SAMD4A: variants seen among roughly 807,000 people sequenced by gnomAD.
The protein encoded by SAMD4A is sterile alpha motif domain containing 4A.
In SAMD4A, 33 loss-of-function variants were observed where a neutral mutation model predicts 81.3. The observed-to-expected ratio is 0.41, with a 90% CI of 0.31 to 0.54. The LOEUF (loss-of-function observed/expected upper bound fraction) is 0.54, where lower values mean the gene tolerates loss of function less well. SAMD4A is among the 20% of genes least tolerant of loss of function. The probability of loss-of-function intolerance (pLI) is 0.37; values close to 1 mark genes in which losing one functional copy is unlikely to be tolerated. For missense variants in SAMD4A, 854 were observed against 951.1 expected (o/e 0.90, Z 1.34); for synonymous variants, 389 against 382.1 (o/e 1.02, Z -0.21).
At chr14:54,592,858 T>C (rs369479874) in intron 2 of SAMD4A, among the ~76,000 whole-genome samples, 23 of 152,318 alleles carry the variant, frequency 1.5e-4, no homozygotes, top group African/African-American at 5.5e-4. Flanking sequence ...TTTAGAACAT[T>C]TCCTTCTAGG....
chr14:54,756,190 C>T (rs185675428), intron 6 of SAMD4A, among the ~76,000 whole-genome samples: 6 of 152,280 alleles, frequency 3.9e-5, no homozygotes, highest in South Asian at 2.1e-4. Context: ...TCACCCCTAT[C>T]GGTGGATTTG....
At chr14:54,722,192 A>G (rs1418357722) in intron 3 of SAMD4A, among the ~76,000 whole-genome samples, 1 of 152,132 alleles carries the variant, frequency 6.6e-6, no homozygotes, top group East Asian at 1.9e-4. Context: ...AGTCCCTCTG[A>G]CCAGTTAGGC....
At chr14:54,625,649 A>G (rs183924354) in intron 2 of SAMD4A, among the ~76,000 whole-genome samples, 132 of 152,346 alleles carry the variant, frequency 8.7e-4, no homozygotes, top group African/African-American at 3.0e-3. Flanking sequence ...TCTCAGAGAA[A>G]GGGCCACATA....
intron 2 of SAMD4A, among the ~76,000 whole-genome samples, chr14:54,651,910 A>C (rs1269798160): frequency 6.6e-6 from 1 of 152,208 alleles, no homozygotes; most frequent in Admixed American, 6.5e-5. Flanking sequence ...CTACTTTGGT[A>C]ATTGTAAACC....
At chr14:54,604,914 C>G (rs1234211994) in intron 2 of SAMD4A, among the ~76,000 whole-genome samples, 1 of 152,276 alleles carries the variant, frequency 6.6e-6, no homozygotes, top group Middle Eastern at 3.4e-3. Context: ...ACTGCTTTAA[C>G]TTATTGGATT....
At chr14:54,658,241 G>A (rs2035568257) in intron 2 of SAMD4A, among the ~76,000 whole-genome samples, 1 of 152,182 alleles carries the variant, frequency 6.6e-6, no homozygotes, top group South Asian at 2.1e-4. Flanking sequence ...AACCCAGGAG[G>A]TGGAGGTTGC....
At chr14:54,606,029 G>T (rs2034189299) in intron 2 of SAMD4A, among the ~76,000 whole-genome samples, 1 of 152,124 alleles carries the variant, frequency 6.6e-6, no homozygotes, top group Non-Finnish European at 1.5e-5. Flanking sequence ...TGTTTATTAG[G>T]TGCCCATTTT....
intron 2 of SAMD4A, among the ~76,000 whole-genome samples, chr14:54,656,090 A>C (rs1246695899): frequency 6.6e-6 from 1 of 152,198 alleles, no homozygotes; most frequent in Non-Finnish European, 1.5e-5. Flanking sequence ...TTACCAAGGA[A>C]GCTAGTTTTG....
intron 2 of SAMD4A, among the ~76,000 whole-genome samples, chr14:54,606,218 C>T (rs923683080): frequency 6.4e-3 from 553 of 86,124 alleles, no homozygotes; most frequent in Admixed American, 9.5e-3. Context: ...TGTGTGCGTG[C>T]ACGTGCACGT....
intron 12 of SAMD4A, among the ~76,000 whole-genome samples, chr14:54,788,164 C>T (rs1274850412): frequency 6.6e-6 from 1 of 152,188 alleles, no homozygotes. Context: ...ATCAGATTCT[C>T]GAGACAGAGA....
chr14:54,764,607 T>C, intron 8 of SAMD4A, 67 bp downstream of exon 8: 1 of 1,047,676 alleles, frequency 9.5e-7, no homozygotes, highest in Non-Finnish European at 1.4e-6. Context: ...TCAGAGTTTC[T>C]GTGATGTGAT....
chr14:54,639,715 T>TG (rs1420474045), intron 2 of SAMD4A, among the ~76,000 whole-genome samples: 14 of 152,134 alleles, frequency 9.2e-5, no homozygotes, highest in Non-Finnish European at 1.9e-4. Context: ...CATAGCACTG[T>TG]ACTGTCATTT....
At chr14:54,613,842 G>A (rs569437601) in intron 2 of SAMD4A, among the ~76,000 whole-genome samples, 18 of 152,308 alleles carry the variant, frequency 1.2e-4, no homozygotes, top group African/African-American at 2.9e-4. Context: ...GGTCAAACCC[G>A]TTTTCACAAT....
At chr14:54,775,496 T>A (rs1298513559) in intron 10 of SAMD4A, among the ~76,000 whole-genome samples, 1 of 152,190 alleles carries the variant, frequency 6.6e-6, no homozygotes, top group African/African-American at 2.4e-5. Flanking sequence ...TTTTTATCCA[T>A]GGCAAAAAGC....
chr14:54,737,403 TTA>T, intron 4 of SAMD4A, 116 bp downstream of exon 4: 5 of 1,237,188 alleles, frequency 4.0e-6, no homozygotes, highest in Non-Finnish European at 5.6e-6. Context: ...TTCCCCAGGC[TTA>T]CGCATTTGAT....
intron 2 of SAMD4A, among the ~76,000 whole-genome samples, chr14:54,656,010 T>C (rs1289753160): frequency 6.6e-6 from 1 of 152,204 alleles, no homozygotes; most frequent in Non-Finnish European, 1.5e-5. Context: ...GTGTTTGGCA[T>C]ATAATAAATG....
At chr14:54,669,245 C>G (rs2035821179) in intron 2 of SAMD4A, among the ~76,000 whole-genome samples, 1 of 152,062 alleles carries the variant, frequency 6.6e-6, no homozygotes, top group Admixed American at 6.5e-5. Flanking sequence ...TTCACATGCC[C>G]CAGCCTGGAG....
intron 2 of SAMD4A, among the ~76,000 whole-genome samples, chr14:54,593,542 A>G (rs548201405): frequency 6.6e-6 from 1 of 152,358 alleles, no homozygotes; most frequent in Non-Finnish European, 1.5e-5. Flanking sequence ...AAATACAAGA[A>G]GGAAAGAGGA....
chr14:54,785,692 C>T (rs184899255), intron 12 of SAMD4A, among the ~76,000 whole-genome samples: 1 of 152,340 alleles, frequency 6.6e-6, no homozygotes, highest in East Asian at 1.9e-4. Flanking sequence ...AGAGCCTTGT[C>T]CTCCAGACCT....
Sources: gnomAD v4.1 joint callset for allele counts (sites outside exome capture counted in the v4.1 genomes callset) on GRCh38, gnomAD v4.1.1 for gene constraint, MANE v1.5 for transcripts, NCBI Gene and HGNC (gene_info 2026-07-23, HGNC 2026-07-21) for gene names.